The following GRIA4 variants were observed in gnomAD, a reference collection of about 807,000 sequenced individuals.
The protein encoded by GRIA4 is glutamate receptor 4.
GRIA4 carries 34 observed loss-of-function variants against 104.0 expected under a neutral mutation model. The observed-to-expected ratio is 0.33, with a 90% confidence interval of 0.25 to 0.44. GRIA4 has a LOEUF of 0.44. Ranked by LOEUF, GRIA4 falls within the 20% of genes least tolerant of loss-of-function variation. GRIA4 has a pLI of 1.00. For synonymous variants in GRIA4, 386 were observed against 381.9 expected, an observed-to-expected ratio of 1.01 and a Z score of -0.13; for missense variants, 750 against 1,096.5, an observed-to-expected ratio of 0.68 and a Z score of 4.46.
At chr11:105,926,630 A>T (rs569768711) in intron 12 of GRIA4, 111 bp from the exon 13 acceptor site, 16 of 704,520 alleles carry the variant, frequency 2.3e-5, no homozygotes, top group Middle Eastern at 3.3e-4. Context: ...AAAATAAAAC[A>T]ATACTTGGCA....
intron 4 of GRIA4, among the ~76,000 whole-genome samples, chr11:105,766,520 A>C (rs1940951587): frequency 1.3e-5 from 2 of 152,208 alleles, no homozygotes; most frequent in South Asian, 4.1e-4. Context: ...TAGTAACATT[A>C]CTTTTTAACT....
At chr11:105,956,343 G>A (rs936547673) in intron 14 of GRIA4, among the ~76,000 whole-genome samples, 2 of 152,082 alleles carry the variant, frequency 1.3e-5, no homozygotes, top group Non-Finnish European at 2.9e-5. Flanking sequence ...CCACCTATGA[G>A]TGAGAACATG....
intron 4 of GRIA4, among the ~76,000 whole-genome samples, chr11:105,819,459 C>A (rs1322368711): frequency 6.6e-6 from 1 of 152,132 alleles, no homozygotes; most frequent in Non-Finnish European, 1.5e-5. Flanking sequence ...TTAATTGCAT[C>A]TTTACAAGCA....
chr11:105,774,374 C>T (rs1941361244), intron 4 of GRIA4, among the ~76,000 whole-genome samples: 1 of 151,456 alleles, frequency 6.6e-6, no homozygotes, highest in Non-Finnish European at 1.5e-5. Flanking sequence ...AAAAGTAAAT[C>T]TACTACATGT....
At chr11:105,706,124 GA>G (rs934610205) in intron 3 of GRIA4, among the ~76,000 whole-genome samples, 1 of 152,024 alleles carries the variant, frequency 6.6e-6, no homozygotes, top group African/African-American at 2.4e-5. Flanking sequence ...TTAACTTAAG[GA>G]AAAAAAGCCA....
intron 3 of GRIA4, among the ~76,000 whole-genome samples, chr11:105,698,466 A>T (rs1953366088): frequency 6.6e-6 from 1 of 152,162 alleles, no homozygotes. Flanking sequence ...GTCAGAGGCC[A>T]TTTTATTAAA....
intron 4 of GRIA4, among the ~76,000 whole-genome samples, chr11:105,836,444 C>T (rs1944189916): frequency 6.6e-6 from 1 of 152,114 alleles, no homozygotes; most frequent in Admixed American, 6.6e-5. Flanking sequence ...GGAGCATAGC[C>T]TACCTGATAG....
chr11:105,869,188 G>A (rs535431564), intron 5 of GRIA4, among the ~76,000 whole-genome samples: 19 of 152,220 alleles, frequency 1.2e-4, no homozygotes, highest in Admixed American at 1.1e-3. Flanking sequence ...AAGGATATAA[G>A]TTTTTTCAAG....
chr11:105,637,174 T>C (rs776048428), intron 3 of GRIA4, among the ~76,000 whole-genome samples: 2 of 147,522 alleles, frequency 1.4e-5, no homozygotes, highest in Non-Finnish European at 3.0e-5. Flanking sequence ...ATAATTTTAA[T>C]GATATGAGGT....
intron 14 of GRIA4, among the ~76,000 whole-genome samples, chr11:105,952,143 TAGAC>T (rs1271864150): frequency 1.3e-5 from 2 of 152,126 alleles, no homozygotes; most frequent in African/African-American, 4.8e-5. Flanking sequence ...TTACCTTTAA[TAGAC>T]AGACTTAGAA....
At chr11:105,699,953 T>C (rs1273873868) in intron 3 of GRIA4, among the ~76,000 whole-genome samples, 1 of 152,200 alleles carries the variant, frequency 6.6e-6, no homozygotes, top group East Asian at 1.9e-4. Flanking sequence ...AGGAACACTG[T>C]CTGTTTTATT....
rs368386180 is a variant in GRIA4 at position 105,656,277 on chromosome 11, T to C, written c.247+43843T>C. On this transcript the variant is annotated intron_variant, in intron 3 of 16. Transcript: ENST00000282499. ...ACAAAATGAGCAATGGGGAAAGGAT[T>C]CCCTATTTAATAAATGGTGTTGGGA... Among the ~76,000 whole-genome samples, 3 of 152,130 alleles carry C rather than the reference T, an allele frequency of 2.0e-5. No individual in the cohort carries two copies. In the East Asian group the frequency reaches 5.8e-4, roughly 29 times the overall value.
At chr11:105,796,883 C>T (rs1942499278) in intron 4 of GRIA4, among the ~76,000 whole-genome samples, 1 of 151,974 alleles carries the variant, frequency 6.6e-6, no homozygotes, top group African/African-American at 2.4e-5. Flanking sequence ...AGAAAGAAGT[C>T]CAAAATAAAT....
intron 4 of GRIA4, among the ~76,000 whole-genome samples, chr11:105,847,964 C>T (rs1227769391): frequency 6.6e-6 from 1 of 152,174 alleles, no homozygotes; most frequent in Admixed American, 6.5e-5. Flanking sequence ...AATTAGTAGA[C>T]TTGCTGAGCA....
intron 3 of GRIA4, among the ~76,000 whole-genome samples, chr11:105,629,952 C>A (rs1279074312): frequency 2.6e-5 from 4 of 152,184 alleles, no homozygotes; most frequent in African/African-American, 9.6e-5. Context: ...TGATTACAAG[C>A]ATTTGTCATC....
intron 16 of GRIA4, among the ~76,000 whole-genome samples, chr11:105,976,448 G>A (rs1268571993): frequency 6.7e-6 from 1 of 149,016 alleles, no homozygotes; most frequent in Non-Finnish European, 1.5e-5. Context: ...TACATGAATT[G>A]CCTTTAGAGG....
At chr11:105,773,731 G>C (rs1172283397) in intron 4 of GRIA4, among the ~76,000 whole-genome samples, 1 of 152,128 alleles carries the variant, frequency 6.6e-6, no homozygotes, top group Non-Finnish European at 1.5e-5. Context: ...GGTTGCTAAG[G>C]TAGGTCCTGG....
At chr11:105,942,530 A>C (rs959915288) in intron 14 of GRIA4, among the ~76,000 whole-genome samples, 2 of 152,032 alleles carry the variant, frequency 1.3e-5, no homozygotes, top group African/African-American at 4.8e-5. Context: ...ATTATAGAGG[A>C]AGGAACTGTA....
intron 4 of GRIA4, among the ~76,000 whole-genome samples, chr11:105,753,430 C>A (rs1940122069): frequency 6.6e-6 from 1 of 152,174 alleles, no homozygotes; most frequent in Non-Finnish European, 1.5e-5. Flanking sequence ...AAACCATGCT[C>A]TGTAACTTCA....
Sources: gnomAD v4.1 joint callset for allele counts (sites outside exome capture counted in the v4.1 genomes callset) on GRCh38, gnomAD v4.1.1 for gene constraint, MANE v1.5 for transcripts, NCBI Gene and HGNC (gene_info 2026-07-23, HGNC 2026-07-21) for gene names.